ZNF652: variants seen among roughly 807,000 people sequenced by gnomAD.
ZNF652 encodes zinc finger protein 652.
In ZNF652, 16 loss-of-function variants were observed where a neutral mutation model predicts 45.2. The observed-to-expected ratio is 0.35, with a 90% confidence interval of 0.24 to 0.54. The LOEUF (loss-of-function observed/expected upper bound fraction) is 0.54. ZNF652 is among the 20% of genes least tolerant of loss of function. The probability of loss-of-function intolerance (pLI) is 0.91; values close to 1 mark genes in which losing one functional copy is unlikely to be tolerated. For synonymous variants in ZNF652, 250 were observed against 260.6 expected, an observed-to-expected ratio of 0.96 and a Z score of 0.39; for missense variants, 614 against 765.6, an observed-to-expected ratio of 0.80 and a Z score of 2.34.
At chr17:49,345,492 G>A (rs1030791542) in intron 1 of ZNF652, among the ~76,000 whole-genome samples, 4 of 149,534 alleles carry the variant, frequency 2.7e-5, no homozygotes, top group African/African-American at 7.3e-5. Flanking sequence ...GTAAGCCACC[G>A]CGCCTGGCCG....
chr17:49,362,068 G>A lies in ZNF652; in HGVS notation c.-418C>T, dbSNP rs1385736722. 2.0e-5 allele frequency: 3 copies of A among 147,550 alleles called. No individual in the cohort carries two copies. Among genetic ancestry groups the A allele is most frequent in the East Asian group, 2.0e-4 (1 of 4,922 alleles). 9.1% of individuals were successfully genotyped at this position (147,550 alleles called of 1,614,324 possible). ...GTCCTCAGGGCCGCTCCTCAGACCC[G>A]GCCTCGGCCGCTGCCGCTGCCGCCG... On this transcript the variant is annotated 5_prime_UTR_variant, in exon 1 of 6. Coordinates refer to ENST00000430262, the MANE Select transcript of ZNF652 (RefSeq NM_001145365.3).
At chr17:49,356,768 T>G (rs1486414974) in intron 1 of ZNF652, among the ~76,000 whole-genome samples, 1 of 152,148 alleles carries the variant, frequency 6.6e-6, no homozygotes, top group Non-Finnish European at 1.5e-5. Flanking sequence ...TCTCCTGAGG[T>G]AAATCCTACT....
At position 49,313,973 on chromosome 17, in the gene ZNF652, C is replaced by CAAAAAAAAAAAAAAAAAA. The variant is rs71144595; in HGVS notation, c.901-1146_901-1129dup. Among the ~76,000 whole-genome samples, 12 of 22,866 alleles carry CAAAAAAAAAAAAAAAAAA rather than the reference C, an allele frequency of 5.2e-4. 2 individuals are homozygous for CAAAAAAAAAAAAAAAAAA. The highest frequency in any genetic ancestry group is 1.6e-3 in the Admixed American group (2 of 1,262). 15.0% of individuals were successfully genotyped at this position (22,866 alleles called of 152,430 possible). On this transcript the variant is annotated intron_variant, in intron 2 of 5. Transcript: ENST00000430262. ...GGCAACAAAGAGCGAAACTCCATCTCAAAAAAAAAAAAAAAAAAAAAAAAA... is the reference window on the plus strand; with the variant it reads ...GGCAACAAAGAGCGAAACTCCATCTCAAAAAAAAAAAAAAAAAAAAAAAAAAAAAAAAAAAAAAAAAAA...
chr17:49,290,204 T>C lies in ZNF652; in HGVS notation c.*8209A>G, dbSNP rs1279131158. 6.6e-6 allele frequency: 1 copy of C among 152,278 alleles called. No homozygotes were observed. Among genetic ancestry groups the C allele is most frequent in the African/African-American group, 2.4e-5 (1 of 41,456 alleles). 9.4% of individuals were successfully genotyped at this position (152,278 alleles called of 1,614,324 possible). A position where few individuals can be genotyped will look rare whatever the true frequency, so the allele number is the denominator to read the frequency against. On this transcript the variant is annotated 3_prime_UTR_variant, in exon 6 of 6. Coordinates refer to ENST00000430262, the MANE Select transcript of ZNF652 (RefSeq NM_001145365.3). ...AGGCAGAAATCAGTTAAGAAGGCCA[T>C]TCCAGGTGTAAATGCCTCCCGGCTC...
Position 49,295,967 on chromosome 17 carries a change from A to G in ZNF652, c.*2446T>C, listed in dbSNP as rs1250140532. On this transcript the variant is annotated 3_prime_UTR_variant, in exon 6 of 6. Coordinates refer to ENST00000430262, the MANE Select transcript of ZNF652 (RefSeq NM_001145365.3). Reference sequence around the variant, plus strand: ...AAAAAAAAAAAAAAAAAAAAAAAACAGAACAAAATATAACCAATTAACTAA... The same window carrying G: ...AAAAAAAAAAAAAAAAAAAAAAAACGGAACAAAATATAACCAATTAACTAA... 2.2e-5 allele frequency: 3 copies of G among 133,620 alleles called. No individual in the cohort carries two copies. The highest frequency in any genetic ancestry group is 4.9e-5 in the Non-Finnish European group (3 of 61,354). 8.3% of individuals were successfully genotyped at this position (133,620 alleles called of 1,614,324 possible).
chr17:49,326,241 T>TAAA (rs56916451), intron 1 of ZNF652, among the ~76,000 whole-genome samples: 945 of 93,922 alleles, frequency 0.01, 14 homozygotes, highest in East Asian at 0.035. Flanking sequence ...ACCCCATCTC[T>TAAA]AAAAAAAAAA....
intron 1 of ZNF652, among the ~76,000 whole-genome samples, chr17:49,360,793 T>A (rs1054856770): frequency 6.6e-6 from 1 of 152,000 alleles, no homozygotes; most frequent in African/African-American, 2.4e-5. Flanking sequence ...ACCCTACGAA[T>A]ACATTATGCC....
Position 49,293,923 on chromosome 17 carries a change from T to C in ZNF652, c.*4490A>G, listed in dbSNP as rs958054391. On this transcript the variant is annotated 3_prime_UTR_variant, in exon 6 of 6. Transcript: ENST00000430262. ...GCAATGCAATAAAAGTTGTCTTTTCTATACAGTAGCTCAAACAGAAAGGTT... is the reference window on the plus strand; with the variant it reads ...GCAATGCAATAAAAGTTGTCTTTTCCATACAGTAGCTCAAACAGAAAGGTT... Among the ~76,000 whole-genome samples, 1 of 152,208 alleles carries C rather than the reference T, an allele frequency of 6.6e-6. No homozygotes were observed. Among genetic ancestry groups the C allele is most frequent in the African/African-American group, 2.4e-5 (1 of 41,470 alleles).
downstream of ZNF652, among the ~76,000 whole-genome samples, chr17:49,288,883 T>C (rs1203194091): frequency 1.3e-5 from 2 of 152,198 alleles, no homozygotes; most frequent in African/African-American, 4.8e-5. Flanking sequence ...ATCCTGATCC[T>C]TTTTCCAAAC....
intron 1 of ZNF652, among the ~76,000 whole-genome samples, chr17:49,352,838 A>ATC (rs2070296407): frequency 6.6e-6 from 1 of 152,236 alleles, no homozygotes; most frequent in South Asian, 2.1e-4. Context: ...ATACTTAGAA[A>ATC]AATCTCAGCA....
intron 1 of ZNF652, among the ~76,000 whole-genome samples, chr17:49,337,975 T>G (rs2070103596): frequency 6.6e-6 from 1 of 152,128 alleles, no homozygotes. Flanking sequence ...AAATAAGTCA[T>G]GATTGCCAAA....
At chr17:49,342,111 G>A (rs1020510694) in intron 1 of ZNF652, among the ~76,000 whole-genome samples, 1 of 151,892 alleles carries the variant, frequency 6.6e-6, no homozygotes, top group Non-Finnish European at 1.5e-5. Flanking sequence ...GCTTTAACCC[G>A]GGAGGCAGAG....
chr17:49,318,616 A>G (rs2143806335), intron 1 of ZNF652, among the ~76,000 whole-genome samples: 1 of 152,322 alleles, frequency 6.6e-6, no homozygotes, highest in Admixed American at 6.5e-5. Flanking sequence ...TTTCCTAGAT[A>G]CTACGCAATA....
intron 1 of ZNF652, among the ~76,000 whole-genome samples, chr17:49,327,649 C>A (rs1356741175): frequency 6.8e-6 from 1 of 147,166 alleles, no homozygotes. Flanking sequence ...GAGGCTGAGG[C>A]AGGAGGATCG....
At chr17:49,357,684 G>C (rs1010173145) in intron 1 of ZNF652, among the ~76,000 whole-genome samples, 2 of 152,170 alleles carry the variant, frequency 1.3e-5, no homozygotes, top group African/African-American at 4.8e-5. Flanking sequence ...ACAAGGCTTT[G>C]CACGTGATTC....
At chr17:49,360,433 G>A (rs1203858763) in intron 1 of ZNF652, among the ~76,000 whole-genome samples, 1 of 152,100 alleles carries the variant, frequency 6.6e-6, no homozygotes, top group Non-Finnish European at 1.5e-5. Flanking sequence ...CCCAAACAAA[G>A]ATTACTAACC....
chr17:49,344,353 A>G (rs1008295458), intron 1 of ZNF652, among the ~76,000 whole-genome samples: 3 of 151,892 alleles, frequency 2.0e-5, no homozygotes, highest in East Asian at 3.9e-4. Context: ...CAACAGAGTG[A>G]GACCCTGTCT....
intron 1 of ZNF652, among the ~76,000 whole-genome samples, chr17:49,349,060 A>T (rs995915852): frequency 2.0e-5 from 3 of 152,220 alleles, no homozygotes; most frequent in Admixed American, 1.3e-4. Flanking sequence ...GTGATTTTTT[A>T]AAAATCCATA....
intron 5 of ZNF652, among the ~76,000 whole-genome samples, chr17:49,300,155 CCA>C (rs1183728451): frequency 6.6e-6 from 1 of 152,210 alleles, no homozygotes; most frequent in Admixed American, 6.5e-5. Context: ...GAATTTCACA[CCA>C]CAGTGTTTCT....
Sources: allele counts gnomAD v4.1 joint callset (sites outside exome capture counted in the v4.1 genomes callset), GRCh38; gene constraint gnomAD v4.1.1; transcripts MANE v1.5; gene names NCBI Gene and HGNC (gene_info 2026-07-23, HGNC 2026-07-21).